SLC8A1: variants seen among roughly 807,000 people sequenced by gnomAD.
The protein encoded by SLC8A1 is sodium/calcium exchanger 1.
Under a neutral mutation model 68.3 loss-of-function variants are expected in SLC8A1, and 18 were observed. The observed-to-expected ratio is 0.26, with a 90% CI of 0.18 to 0.39. The LOEUF is 0.39. SLC8A1 is among the 10% of genes least tolerant of loss of function. SLC8A1 has a pLI of 1.00. For missense variants in SLC8A1, 985 were observed against 1,156.7 expected (o/e 0.85, Z 2.15); for synonymous variants, 475 against 415.5 (o/e 1.14, Z -1.74).
intron 2 of SLC8A1, among the ~76,000 whole-genome samples, chr2:40,338,408 A>G (rs1261706728): frequency 1.3e-5 from 2 of 152,140 alleles, no homozygotes; most frequent in African/African-American, 4.8e-5. Flanking sequence ...CTTCTTTTCT[A>G]TAACTGGGTA....
rs138747159 is a variant in SLC8A1, at chr2:40,136,539, G to C, written c.2437+2862C>G. 1.5e-3 allele frequency among the ~76,000 whole-genome samples: 232 copies of C among 152,270 alleles called. 1 individual carries two copies. The highest frequency in any genetic ancestry group is 5.3e-3 in the African/African-American group (219 of 41,558). On this transcript the variant is annotated intron_variant, in intron 7 of 7. Coordinates refer to ENST00000406785, the Ensembl canonical transcript of SLC8A1. ...CCTAGAAAGAAGCAGCAGAATATCA[G>C]ACACTAGGAAAGAGCCCTTCTGTTT...
chr2:40,271,915 G>A (rs938282302), intron 2 of SLC8A1, among the ~76,000 whole-genome samples: 5 of 151,914 alleles, frequency 3.3e-5, no homozygotes, highest in African/African-American at 9.7e-5. Context: ...TGCCCGGGCT[G>A]GAATGCAGTG....
At chr2:40,369,757 C>T (rs916435970) in intron 2 of SLC8A1, among the ~76,000 whole-genome samples, 2 of 151,972 alleles carry the variant, frequency 1.3e-5, no homozygotes, top group African/African-American at 4.8e-5. Flanking sequence ...AATTGTTGAG[C>T]CATTGGCCAG....
intron 2 of SLC8A1, among the ~76,000 whole-genome samples, chr2:40,288,176 T>G (rs919971011): frequency 1.3e-5 from 2 of 152,128 alleles, no homozygotes; most frequent in Non-Finnish European, 2.9e-5. Flanking sequence ...AATTTTCATC[T>G]AAAAACAAAT....
chr2:40,298,080 C>G (rs2070757327), intron 2 of SLC8A1, among the ~76,000 whole-genome samples: 1 of 151,992 alleles, frequency 6.6e-6, no homozygotes, highest in African/African-American at 2.4e-5. Context: ...CAGAATTTCA[C>G]CATCTTGGCC....
intron 1 of SLC8A1, among the ~76,000 whole-genome samples, chr2:40,487,082 C>A (rs952717961): frequency 6.6e-6 from 1 of 152,008 alleles, no homozygotes; most frequent in East Asian, 1.9e-4. Context: ...TGCATCGAAT[C>A]CCTTTTGAGC....
intron 2 of SLC8A1, among the ~76,000 whole-genome samples, chr2:40,200,853 G>A (rs1441830096): frequency 2.6e-5 from 4 of 151,606 alleles, no homozygotes; most frequent in Non-Finnish European, 5.9e-5. Context: ...GGTTTATATT[G>A]TAGAAAACAA....
chr2:40,244,147 T>C (rs535328308), intron 2 of SLC8A1, among the ~76,000 whole-genome samples: 1 of 152,278 alleles, frequency 6.6e-6, no homozygotes, highest in Non-Finnish European at 1.5e-5. Context: ...TAAGCTTTCC[T>C]ATGTAGAAAT....
chr2:40,145,810 G>A (rs910967323), intron 6 of SLC8A1, among the ~76,000 whole-genome samples: 7 of 152,192 alleles, frequency 4.6e-5, no homozygotes, highest in African/African-American at 1.2e-4. Flanking sequence ...AGTTTTTACT[G>A]TCTTGCTCAT....
intron 2 of SLC8A1, among the ~76,000 whole-genome samples, chr2:40,342,833 T>A (rs1248435773): frequency 6.6e-6 from 1 of 152,160 alleles, no homozygotes; most frequent in Non-Finnish European, 1.5e-5. Context: ...ACTGCAAATA[T>A]GAACAAACGT....
chr2:40,225,670 C>A (rs772803499), intron 2 of SLC8A1, among the ~76,000 whole-genome samples: 2 of 152,136 alleles, frequency 1.3e-5, no homozygotes, highest in Non-Finnish European at 2.9e-5. Flanking sequence ...TTGCCTATGT[C>A]TGTTAAATCC....
intron 1 of SLC8A1, among the ~76,000 whole-genome samples, chr2:40,470,906 T>C (rs908412884): frequency 6.6e-6 from 1 of 152,208 alleles, no homozygotes; most frequent in African/African-American, 2.4e-5. Context: ...AAAAAGATCC[T>C]TGTCACTTAA....
intron 7 of SLC8A1, among the ~76,000 whole-genome samples, chr2:40,126,126 A>G (rs2038040096): frequency 6.6e-6 from 1 of 152,266 alleles, no homozygotes. Context: ...TCAGGTCCTC[A>G]TGCTGCCAGT....
chr2:40,462,797 A>AC (rs1382720772), intron 1 of SLC8A1, among the ~76,000 whole-genome samples: 1 of 152,028 alleles, frequency 6.6e-6, no homozygotes, highest in East Asian at 1.9e-4. Flanking sequence ...ATAGAGTGAG[A>AC]CTCAGTCTAA....
intron 2 of SLC8A1, among the ~76,000 whole-genome samples, chr2:40,208,636 A>G (rs1403132955): frequency 1.3e-5 from 2 of 152,156 alleles, no homozygotes; most frequent in African/African-American, 4.8e-5. Context: ...TGGCACATCA[A>G]TCAACTCTGC....
chr2:40,467,183 T>C (rs1703729819), intron 1 of SLC8A1, among the ~76,000 whole-genome samples: 1 of 152,144 alleles, frequency 6.6e-6, no homozygotes, highest in South Asian at 2.1e-4. Flanking sequence ...CATATGGATC[T>C]GACTCCCAGA....
At chr2:40,492,943 C>T (rs147476079) in intron 1 of SLC8A1, among the ~76,000 whole-genome samples, 6,481 of 152,050 alleles carry the variant, frequency 0.043, 198 homozygotes, top group Non-Finnish European at 0.063. Flanking sequence ...GTGGCCATTC[C>T]TCAGGGATCT....
At chr2:40,390,510 G>A (rs901572765) in intron 2 of SLC8A1, among the ~76,000 whole-genome samples, 2 of 152,076 alleles carry the variant, frequency 1.3e-5, no homozygotes, top group Non-Finnish European at 1.5e-5. Context: ...TTACTAGAAT[G>A]TCAATTCTTG....
exon 8 of SLC8A1, chr2:40,109,857 ACAATTTTGGG>A (rs757307993): frequency 1.9e-4 from 29 of 152,312 alleles, no homozygotes; most frequent in Admixed American, 1.2e-3. Flanking sequence ...GATAGACAAG[ACAATTTTGGG>A]CAAGCAAGTC....
Sources: allele counts gnomAD v4.1 joint callset (sites outside exome capture counted in the v4.1 genomes callset), GRCh38; gene constraint gnomAD v4.1.1; transcripts MANE v1.5; gene names NCBI Gene and HGNC (gene_info 2026-07-23, HGNC 2026-07-21).